The following MYBPC2 variants were observed in gnomAD, a reference collection of about 807,000 sequenced individuals.
The protein encoded by MYBPC2 is myosin-binding protein C, fast-type.
Under a neutral mutation model 137.0 loss-of-function variants are expected in MYBPC2, and 122 were observed. The ratio of observed to expected loss-of-function variants is 0.89; its 90% CI spans 0.77 to 1.03. MYBPC2 has a LOEUF of 1.03. MYBPC2 is among the 50% of genes least tolerant of loss of function. The pLI is 0.00. For missense variants in MYBPC2, 1,500 were observed against 1,534.4 expected (o/e 0.98, Z 0.37); for synonymous variants, 626 against 612.3 (o/e 1.02, Z -0.33).
rs10405007 is a variant in MYBPC2, at chr19:50,444,741, G to A, written c.1133+925G>A. On this transcript the variant is annotated intron_variant, in intron 11 of 27. Coordinates refer to ENST00000357701, the MANE Select transcript of MYBPC2 (RefSeq NM_004533.4). ...TAAAAATACAAAAAATTAGCCGGGC[G>A]TGTTGGCGGGCGCCTGTAGTCCCAG... Among the ~76,000 whole-genome samples the A allele has an allele frequency of 7.7e-3, 1,172 of 151,728 alleles. 19 individuals are homozygous for A. Among genetic ancestry groups the A allele is most frequent in the African/African-American group, 0.027 (1,114 of 41,352 alleles).
Position 50,460,083 on chromosome 19 carries a change from G to T in MYBPC2, c.2835G>T (p.Trp945Cys). The change falls in exon 24 of 28, where the codon TGG becomes TGT. Residue 945 changes from tryptophan to cysteine, a missense_variant. Transcript: ENST00000357701. ...TAAACGTGATGGTGAAGGAGGTGTGGGGCACGAACGCGCTGGTGGAGTGGC... is the reference window on the plus strand; with the variant it reads ...TAAACGTGATGGTGAAGGAGGTGTGTGGCACGAACGCGCTGGTGGAGTGGC... Reference protein sequence around the residue: ...PPINVMVKEVWGTNALVEWQA... With the variant: ...PPINVMVKEVCGTNALVEWQA... The T allele has an allele frequency of 6.4e-7, 1 of 1,567,144 alleles. No individual in the cohort carries two copies. Among genetic ancestry groups the T allele is most frequent in the East Asian group, 2.4e-5 (1 of 42,186 alleles).
rs866764717 is a variant in MYBPC2, at chr19:50,458,966, G to A, written c.2555G>A (p.Arg852His). ...CGCCATCTCCGCCAGACCTACATCCGCAAAGTGGGCGAGCAGCTCAACCTT... is the reference window on the plus strand; with the variant it reads ...CGCCATCTCCGCCAGACCTACATCCACAAAGTGGGCGAGCAGCTCAACCTT... ...LPRHLRQTYIRKVGEQLNLVV... is the reference protein window; with the variant it reads ...LPRHLRQTYIHKVGEQLNLVV... Residue 852 changes from arginine (R) to histidine (H), a missense_variant, in exon 22 of 28, where the codon CGC becomes CAC. Physicochemically the swap from Arg to His is conservative, Grantham distance 29. Transcript: ENST00000357701. 3 of 1,612,372 alleles carry A rather than the reference G, an allele frequency of 1.9e-6. No individual in the cohort carries two copies. Among genetic ancestry groups the A allele is most frequent in the African/African-American group, 2.7e-5 (2 of 74,822 alleles).
chr19:50,440,054 G>T (rs10421141), intron 7 of MYBPC2, among the ~76,000 whole-genome samples: 34 of 152,186 alleles, frequency 2.2e-4, no homozygotes, highest in Admixed American at 7.9e-4. Context: ...GGTGACTTTG[G>T]GGGGAGTGAC....
rs374979606 is a variant in MYBPC2, at chr19:50,458,653, C to G, written c.2405C>G (p.Pro802Arg). ...ERCGFTVKNL[P>R]TGARILFRVV... ...TGTGGCTTCACCGTCAAGAATCTCCCGACCGGAGCCAGAATCCTCTTCCGA... is the reference window on the plus strand; with the variant it reads ...TGTGGCTTCACCGTCAAGAATCTCCGGACCGGAGCCAGAATCCTCTTCCGA... Residue 802 changes from proline (P) to arginine (R), a missense_variant, in exon 21 of 28, where the codon CCG (proline) becomes CGG (arginine). Pro to Arg is a moderately radical substitution (Grantham distance 103, BLOSUM62 -2). Coordinates refer to ENST00000357701, the MANE Select transcript of MYBPC2 (RefSeq NM_004533.4). 28 of 1,612,730 alleles carry G rather than the reference C, an allele frequency of 1.7e-5. No individual in the cohort carries two copies. The highest frequency in any genetic ancestry group is 2.4e-5 in the Non-Finnish European group (28 of 1,179,888).
rs368542840 is a variant in MYBPC2, at chr19:50,436,209, G to T, written c.345+49G>T. The T allele has an allele frequency of 2.6e-5, 41 of 1,548,098 alleles. No homozygotes were observed. The African/African-American group carries it at 4.5e-4, about 17-fold the overall frequency. ...GCTGGTGGAGGGGAGTGGAGCTTGT[G>T]CAGGACATGCTCCTCAGAAGCCCTG... is the stretch of plus-strand genomic sequence containing the variant. On this transcript the variant is annotated intron_variant, in intron 4 of 27. Coordinates refer to ENST00000357701, the MANE Select transcript of MYBPC2 (RefSeq NM_004533.4).
chr19:50,461,779 C>T (rs2039973970), intron 25 of MYBPC2, 78 bp downstream of exon 25: 4 of 1,595,410 alleles, frequency 2.5e-6, no homozygotes, highest in Middle Eastern at 3.3e-4. Flanking sequence ...TCCTGCCCTC[C>T]CCTCCCCACT....
At chr19:50,442,334 C>T (rs751997377) in intron 9 of MYBPC2, 21 bp downstream of exon 9, 1 of 1,604,798 alleles carries the variant, frequency 6.2e-7, no homozygotes. Context: ...GGTGGGCAGT[C>T]CCTGCACCGG....
chr19:50,448,975 C>T (rs192253234), intron 13 of MYBPC2, among the ~76,000 whole-genome samples: 1 of 152,050 alleles, frequency 6.6e-6, no homozygotes, highest in East Asian at 1.9e-4. Flanking sequence ...GCTGATCCAC[C>T]CACCTCGGCC....
rs116686232 is a variant in MYBPC2, at chr19:50,462,189, G to T, written c.3228+153G>T. 2.1e-3 allele frequency among the ~76,000 whole-genome samples: 313 copies of T among 149,420 alleles called. 2 individuals carry two copies. Among genetic ancestry groups the T allele is most frequent in the African/African-American group, 7.1e-3 (284 of 39,994 alleles). ...TAAAAAATTTTTTTAATTGATTTTT[G>T]ATTTTTTTTTTTTTTGAGACAGGGT... is the stretch of plus-strand genomic sequence containing the variant. On this transcript the variant is annotated intron_variant, in intron 26 of 27. Coordinates refer to ENST00000357701, the MANE Select transcript of MYBPC2 (RefSeq NM_004533.4).
intron 22 of MYBPC2, 22 bp from the exon 23 acceptor site, chr19:50,459,089 C>A (rs1355653132): frequency 6.4e-7 from 1 of 1,551,294 alleles, no homozygotes; most frequent in Admixed American, 1.9e-5. Context: ...TGACCCCACC[C>A]CGCCCCGCCC....
chr19:50,458,663 C>G lies in MYBPC2; in HGVS notation c.2415C>G (p.Ala805=), dbSNP rs1325184801. 1 of 1,612,714 alleles carries G rather than the reference C, an allele frequency of 6.2e-7. No homozygotes were observed. Among genetic ancestry groups the G allele is most frequent in the Admixed American group, 1.7e-5 (1 of 60,010 alleles). Residue 805 remains alanine, a synonymous_variant, in exon 21 of 28, where the codon GCC becomes GCG. Transcript: ENST00000357701. ...CCGTCAAGAATCTCCCGACCGGAGC[C>G]AGAATCCTCTTCCGAGTAGTTGGGG... ...GFTVKNLPTG[A]RILFRVVGVN... is the part of the protein sequence containing the mutation.
intron 9 of MYBPC2, among the ~76,000 whole-genome samples, chr19:50,443,098 C>T (rs1035469009): frequency 6.6e-5 from 10 of 151,942 alleles, no homozygotes; most frequent in African/African-American, 2.2e-4. Context: ...GAATTGCTAG[C>T]TTGGACAACA....
intron 15 of MYBPC2, 95 bp downstream of exon 15, chr19:50,451,404 G>C: frequency 7.1e-7 from 1 of 1,411,730 alleles, no homozygotes; most frequent in Non-Finnish European, 9.8e-7. Context: ...GGCAGGGCGA[G>C]GAAGGATGGG....
intron 14 of MYBPC2, 110 bp from the exon 15 acceptor site, chr19:50,451,168 CCA>C: frequency 7.3e-7 from 1 of 1,375,140 alleles, no homozygotes; most frequent in Non-Finnish European, 1.0e-6. Context: ...CTCCAGCACC[CCA>C]GTTCCCAGGG....
Position 50,435,207 on chromosome 19 carries a change from C to A in MYBPC2, c.66C>A (p.Pro22=). The change falls in exon 2 of 28, where the codon CCC becomes CCA. Residue 22 remains proline, a synonymous_variant. Coordinates refer to ENST00000357701, the MANE Select transcript of MYBPC2 (RefSeq NM_004533.4). This position sits in a 1 kb window ranked among gnomAD's most constrained non-coding sequence, Gnocchi z 4.8. ...PKGKDAPKGA[P]KEAPPKEAPA... Reference sequence around the variant, plus strand: ...GCAAAGATGCCCCCAAAGGAGCCCCCAAGGAGGCTCCCCCTAAGGAGGCTC... The same window carrying A: ...GCAAAGATGCCCCCAAAGGAGCCCCAAAGGAGGCTCCCCCTAAGGAGGCTC... 2.1e-6 allele frequency: 3 copies of A among 1,395,480 alleles called. No homozygotes were observed. Among genetic ancestry groups the A allele is most frequent in the Non-Finnish European group, 3.0e-6 (3 of 987,098 alleles). 86.4% of individuals were successfully genotyped at this position (1,395,480 alleles called of 1,614,324 possible). A position where few individuals can be genotyped will look rare whatever the true frequency, so the allele number is the denominator to read the frequency against.
Position 50,460,027 on chromosome 19 carries a change from TC to T in MYBPC2, c.2792-9del. Reference sequence around the variant, plus strand: ...AAAACCTGGACTGACTTGTCACACTTCCCCATTTCCAGAAAAGGCTGGGCCC... The same window carrying T: ...AAAACCTGGACTGACTTGTCACACTTCCCATTTCCAGAAAAGGCTGGGCCC... On this transcript the variant is annotated splice_polypyrimidine_tract_variant and intron_variant, in intron 23 of 27. Transcript: ENST00000357701. 7 of 1,550,738 alleles carry T rather than the reference TC, an allele frequency of 4.5e-6. No homozygotes were observed. Among genetic ancestry groups the T allele is most frequent in the Non-Finnish European group, 6.1e-6 (7 of 1,147,022 alleles).
chr19:50,466,308 CAG>C lies in MYBPC2; in HGVS notation c.*104_*105del, dbSNP rs2040016186. The C allele has an allele frequency of 6.6e-7, 1 of 1,512,656 alleles. No homozygotes were observed. The highest frequency in any genetic ancestry group is 1.4e-5 in the African/African-American group (1 of 72,868). 93.7% of individuals were successfully genotyped at this position (1,512,656 alleles called of 1,614,324 possible). On this transcript the variant is annotated 3_prime_UTR_variant, in exon 28 of 28. Coordinates refer to ENST00000357701, the MANE Select transcript of MYBPC2 (RefSeq NM_004533.4). This position sits in a 1 kb window ranked among gnomAD's most constrained non-coding sequence, Gnocchi z 4.9. ...TCTGGAGTTTTCGCTGAGAACAAAA[CAG>C]TGTTGTCTGGACCCTGGAGTGTCTG...
Position 50,451,322 on chromosome 19 carries a change from G to GGCT in MYBPC2, c.1609+16_1609+18dup. Reference sequence around the variant, plus strand: ...GTTCCCAAGCAAGGTGAGCACCACGGGCTGCGCTGGGAGCGGGTCTGAGGG... The same window carrying GGCT: ...GTTCCCAAGCAAGGTGAGCACCACGGGCTGCTGCGCTGGGAGCGGGTCTGAGGG... On this transcript the variant is annotated intron_variant, in intron 15 of 27. Transcript: ENST00000357701. 6.2e-7 allele frequency: 1 copy of GGCT among 1,613,450 alleles called. No individual in the cohort carries two copies. Among genetic ancestry groups the GGCT allele is most frequent in the Non-Finnish European group, 8.5e-7 (1 of 1,179,822 alleles).
chr19:50,446,768 C>T (rs1202448985), intron 12 of MYBPC2, among the ~76,000 whole-genome samples: 54 of 143,182 alleles, frequency 3.8e-4, no homozygotes, highest in Non-Finnish European at 1.8e-4. Context: ...TGTGGTGAGC[C>T]GAGATTGCAC....
Sources: gnomAD v4.1 joint callset for allele counts (sites outside exome capture counted in the v4.1 genomes callset) on GRCh38, gnomAD v4.1.1 for gene constraint, Gnocchi (gnomAD v3.1) non-coding constraint, MANE v1.5 for transcripts, NCBI Gene and HGNC (gene_info 2026-07-23, HGNC 2026-07-21) for gene names.